The following SPECC1L variants were observed in gnomAD, a reference collection of about 807,000 sequenced individuals.
SPECC1L encodes the protein sperm antigen with calponin homology and coiled-coil domains 1 like.
In SPECC1L, 40 loss-of-function variants were observed where a neutral mutation model predicts 116.8. The observed-to-expected ratio is 0.34, with a 90% CI of 0.27 to 0.45. The LOEUF (loss-of-function observed/expected upper bound fraction) is 0.45. SPECC1L is among the 20% of genes least tolerant of loss of function. The pLI, the probability that SPECC1L is intolerant of heterozygous loss-of-function variation, is 1.00. For missense variants in SPECC1L, 1,110 were observed against 1,373.6 expected, an observed-to-expected ratio of 0.81 and a Z score of 3.03; for synonymous variants, 504 against 500.6, an observed-to-expected ratio of 1.01 and a Z score of -0.09.
intron 11 of SPECC1L, among the ~76,000 whole-genome samples, chr22:24,354,255 T>C (rs1183909250): frequency 6.6e-6 from 1 of 152,242 alleles, no homozygotes. Flanking sequence ...ACCTAGACTA[T>C]ATCAGTTTTG....
intron 2 of SPECC1L, among the ~76,000 whole-genome samples, chr22:24,294,793 T>C (rs1044522291): frequency 1.3e-5 from 2 of 152,184 alleles, no homozygotes. Context: ...TAAATAAATG[T>C]TGTGCCCACA....
chr22:24,308,525 A>G (rs1433135331), intron 3 of SPECC1L, among the ~76,000 whole-genome samples: 1 of 152,214 alleles, frequency 6.6e-6, no homozygotes, highest in Non-Finnish European at 1.5e-5. Flanking sequence ...GATGGCTTCC[A>G]TGTTTTCCAT....
At chr22:24,352,908 A>T (rs2041454612) in intron 11 of SPECC1L, among the ~76,000 whole-genome samples, 1 of 152,246 alleles carries the variant, frequency 6.6e-6, no homozygotes, top group African/African-American at 2.4e-5. Context: ...GCCGTGAATT[A>T]TCCACTTACT....
At chr22:24,307,169 C>T (rs901060550) in intron 3 of SPECC1L, among the ~76,000 whole-genome samples, 6 of 152,222 alleles carry the variant, frequency 3.9e-5, no homozygotes, top group South Asian at 2.1e-4. Flanking sequence ...GGTATATACC[C>T]GTAGGTGGAA....
intron 11 of SPECC1L, among the ~76,000 whole-genome samples, chr22:24,360,864 G>A (rs1232346553): frequency 2.0e-5 from 3 of 152,136 alleles, no homozygotes; most frequent in Non-Finnish European, 4.4e-5. Flanking sequence ...TGTTTTGTCT[G>A]TCAGATTTTG....
Position 24,355,464 on chromosome 22 carries a change from C to T in SPECC1L, c.2744-7797C>T, listed in dbSNP as rs898117237. Among the ~76,000 whole-genome samples the T allele has an allele frequency of 1.1e-4, 16 of 151,900 alleles. No individual in the cohort carries two copies. The East Asian group carries it at 3.1e-3, about 29-fold the overall frequency. On this transcript the variant is annotated intron_variant, in intron 11 of 16. Transcript: ENST00000314328. ...CTGTCTACCTACCTATCCACCCACC[C>T]ACCTACCTACCTACCTACCTATCTA...
In SPECC1L at chr22:24,331,560, C is replaced by G. The variant is rs145675879; in HGVS notation, c.2396+1129C>G. ...CTCAAAAATTCATAAGACTTTGAGA[C>G]ACATGTTTTTAAAATGCTTTCTGAA... On this transcript the variant is annotated intron_variant, in intron 8 of 16. Transcript: ENST00000314328. 7.8e-3 allele frequency among the ~76,000 whole-genome samples: 1,186 copies of G among 152,238 alleles called. 9 individuals carry two copies. The highest frequency in any genetic ancestry group is 0.024 in the South Asian group (117 of 4,824).
At chr22:24,338,620 C>A in intron 10 of SPECC1L, 143 bp downstream of exon 10, 1 of 645,956 alleles carries the variant, frequency 1.5e-6, no homozygotes, top group South Asian at 1.8e-5. Context: ...TCCTAAAATA[C>A]TATAAATATC....
chr22:24,330,079 T>G (rs2040909142), intron 7 of SPECC1L, among the ~76,000 whole-genome samples, 177 bp from the exon 8 acceptor site: 1 of 152,202 alleles, frequency 6.6e-6, no homozygotes, highest in African/African-American at 2.4e-5. Context: ...AGTTCACTAA[T>G]AATAGTTGCA....
intron 14 of SPECC1L, among the ~76,000 whole-genome samples, chr22:24,394,810 G>A (rs1353113584): frequency 1.3e-5 from 2 of 152,154 alleles, no homozygotes; most frequent in Non-Finnish European, 2.9e-5. Flanking sequence ...ATTTGCCACC[G>A]TATATCTTCT....
At chr22:24,326,399 T>G (rs1220313824) in intron 6 of SPECC1L, among the ~76,000 whole-genome samples, 1 of 152,206 alleles carries the variant, frequency 6.6e-6, no homozygotes. Context: ...AGGAACCAAG[T>G]TCCCTTGCTG....
At chr22:24,296,290 G>A (rs2049260946) in intron 2 of SPECC1L, among the ~76,000 whole-genome samples, 1 of 152,228 alleles carries the variant, frequency 6.6e-6, no homozygotes, top group Non-Finnish European at 1.5e-5. Flanking sequence ...GTACCGCACA[G>A]GACATGGTGC....
chr22:24,384,970 A>C (rs1337219841), intron 14 of SPECC1L, among the ~76,000 whole-genome samples: 1 of 151,908 alleles, frequency 6.6e-6, no homozygotes, highest in South Asian at 2.1e-4. Context: ...AGGCTGAGGC[A>C]GGAGAATGGC....
intron 11 of SPECC1L, among the ~76,000 whole-genome samples, chr22:24,352,386 C>T (rs371243626): frequency 3.3e-5 from 5 of 152,272 alleles, no homozygotes; most frequent in South Asian, 4.1e-4. Context: ...ACCCTATCAC[C>T]GTGTCTCTCA....
At chr22:24,330,859 T>C (rs1327343306) in intron 8 of SPECC1L, among the ~76,000 whole-genome samples, 1 of 152,212 alleles carries the variant, frequency 6.6e-6, no homozygotes, top group East Asian at 1.9e-4. Context: ...TTTTCTCATC[T>C]TTAAAATGAC....
intron 1 of SPECC1L, among the ~76,000 whole-genome samples, 195 bp downstream of exon 1, chr22:24,271,178 T>C (rs556969293): frequency 2.6e-5 from 4 of 152,372 alleles, no homozygotes; most frequent in Admixed American, 2.0e-4. Context: ...CGTTCTGGGC[T>C]TCGGGGCTTC....
At chr22:24,378,889 T>G (rs2042014980) in intron 14 of SPECC1L, among the ~76,000 whole-genome samples, 1 of 152,144 alleles carries the variant, frequency 6.6e-6, no homozygotes, top group African/African-American at 2.4e-5. Context: ...TTACCAAACT[T>G]GACCCAGAGA....
intron 14 of SPECC1L, among the ~76,000 whole-genome samples, chr22:24,383,951 C>G (rs2146704839): frequency 6.6e-6 from 1 of 151,638 alleles, no homozygotes; most frequent in South Asian, 2.1e-4. Context: ...CCGTGCCTGG[C>G]CCAATGAAAA....
intron 14 of SPECC1L, among the ~76,000 whole-genome samples, chr22:24,387,753 T>C (rs2042187674): frequency 6.6e-6 from 1 of 152,244 alleles, no homozygotes; most frequent in African/African-American, 2.4e-5. Flanking sequence ...ATGTAGTAGC[T>C]AAAACAACAC....
Sources: gnomAD v4.1 joint callset for allele counts (sites outside exome capture counted in the v4.1 genomes callset) on GRCh38, gnomAD v4.1.1 for gene constraint, MANE v1.5 for transcripts, NCBI Gene and HGNC (gene_info 2026-07-23, HGNC 2026-07-21) for gene names.